MED27: variants seen among roughly 807,000 people sequenced by gnomAD.
MED27 encodes mediator of RNA polymerase II transcription subunit 27.
A neutral mutation model predicts 38.2 loss-of-function variants in MED27; 30 were observed. The ratio of observed to expected loss-of-function variants is 0.79; its 90% CI spans 0.59 to 1.07. The LOEUF (loss-of-function observed/expected upper bound fraction) is 1.07, where lower values mean the gene tolerates loss of function less well. Among genes scored for constraint, MED27 ranks in the 50% least tolerant of loss-of-function variants. The pLI is 0.00. For synonymous variants in MED27, 122 were observed against 153.5 expected (o/e 0.79, Z 1.52); for missense variants, 289 against 397.5 (o/e 0.73, Z 2.32).
At chr9:131,904,795 T>G (rs1448505552) in intron 4 of MED27, among the ~76,000 whole-genome samples, 1 of 152,218 alleles carries the variant, frequency 6.6e-6, no homozygotes, top group East Asian at 1.9e-4. Flanking sequence ...CTCTTCTAAA[T>G]TCAGAATATC....
At chr9:131,948,482 C>CA (rs1330173686) in intron 3 of MED27, among the ~76,000 whole-genome samples, 2 of 128,774 alleles carry the variant, frequency 1.6e-5, no homozygotes, top group African/African-American at 3.0e-5. Flanking sequence ...CACTCCGTCT[C>CA]AAAAAAACAA....
chr9:131,910,778 C>T (rs1830173609), intron 4 of MED27, among the ~76,000 whole-genome samples: 1 of 152,234 alleles, frequency 6.6e-6, no homozygotes, highest in African/African-American at 2.4e-5. Flanking sequence ...CAACTCTTTG[C>T]AGCCAAAGGA....
At chr9:131,952,418 AG>A (rs1392375647) in intron 3 of MED27, among the ~76,000 whole-genome samples, 2 of 152,134 alleles carry the variant, frequency 1.3e-5, no homozygotes, top group Non-Finnish European at 2.9e-5. Flanking sequence ...TCCTGGCGGC[AG>A]GGGGGCAGCA....
intron 2 of MED27, among the ~76,000 whole-genome samples, chr9:132,037,259 T>C (rs1781137329): frequency 6.6e-6 from 1 of 152,144 alleles, no homozygotes; most frequent in Non-Finnish European, 1.5e-5. Context: ...GTAATCCTAA[T>C]CCATGAGCTT....
Position 131,997,539 on chromosome 9 carries a change from G to A in MED27, c.479+16798C>T, listed in dbSNP as rs549102620. ...ACCGAGGCGTTGCCAGCCCTGCACT[G>A]TAGGCTGCCATCTCCCCCAGCAGTC... On this transcript the variant is annotated intron_variant, in intron 3 of 7. Coordinates refer to ENST00000292035, the MANE Select transcript of MED27 (RefSeq NM_004269.4). The surrounding 1 kb of genome is among the most constrained non-coding windows in gnomAD (Gnocchi z 4.0). Among the ~76,000 whole-genome samples the A allele has an allele frequency of 1.1e-3, 167 of 152,326 alleles. No homozygotes were observed. The highest frequency in any genetic ancestry group is 4.0e-3 in the African/African-American group (166 of 41,574).
chr9:132,016,382 T>C (rs1157261201), intron 2 of MED27, among the ~76,000 whole-genome samples: 3 of 152,262 alleles, frequency 2.0e-5, no homozygotes, highest in Non-Finnish European at 4.4e-5. Context: ...AAGACAAACA[T>C]ACATCACATT....
At chr9:132,053,671 G>A (rs1833513239) in intron 2 of MED27, among the ~76,000 whole-genome samples, 1 of 152,212 alleles carries the variant, frequency 6.6e-6, no homozygotes, top group South Asian at 2.1e-4. Context: ...GGCTGCCTGC[G>A]TCCAGACCCA....
At chr9:131,867,225 G>A (rs1838752674) in intron 6 of MED27, among the ~76,000 whole-genome samples, 1 of 152,184 alleles carries the variant, frequency 6.6e-6, no homozygotes, top group Non-Finnish European at 1.5e-5. Flanking sequence ...AGATGAGGTG[G>A]GTGGAGCCAG....
At chr9:131,936,233 C>T (rs1393492965) in intron 4 of MED27, among the ~76,000 whole-genome samples, 1 of 152,142 alleles carries the variant, frequency 6.6e-6, no homozygotes, top group African/African-American at 2.4e-5. Flanking sequence ...ATGACCTGTC[C>T]TCAGAGACAA....
At chr9:131,904,247 C>T (rs978028412) in intron 4 of MED27, among the ~76,000 whole-genome samples, 3 of 151,978 alleles carry the variant, frequency 2.0e-5, no homozygotes, top group Non-Finnish European at 2.9e-5. Context: ...CCATGTTGCC[C>T]AGGCTGGTCT....
chr9:132,041,909 GTTTC>G (rs1833223251), intron 2 of MED27, among the ~76,000 whole-genome samples: 1 of 152,204 alleles, frequency 6.6e-6, no homozygotes, highest in African/African-American at 2.4e-5. Flanking sequence ...TTGATAATGA[GTTTC>G]TTTCCTTCTT....
chr9:132,011,038 A>T (rs1440431894), intron 3 of MED27, among the ~76,000 whole-genome samples: 1 of 152,218 alleles, frequency 6.6e-6, no homozygotes, highest in Non-Finnish European at 1.5e-5. Flanking sequence ...TAATAAAAAA[A>T]TTTTGTAATA....
At chr9:131,868,773 A>G (rs1265900569) in intron 6 of MED27, 1 of 985,486 alleles carries the variant, frequency 1.0e-6, no homozygotes, top group Non-Finnish European at 1.2e-6. Flanking sequence ...TGTGGCCAGC[A>G]GCTGCCCGCC....
At position 131,862,593 on chromosome 9, in the gene MED27, T is replaced by C. The variant is rs563035185; in HGVS notation, c.801+470A>G. On this transcript the variant is annotated intron_variant, in intron 7 of 7. Transcript: ENST00000292035. This position sits in a 1 kb window ranked among gnomAD's most constrained non-coding sequence, Gnocchi z 4.6. ...GTTGAAGAACCAGCTCGCAAGATAC[T>C]GAACAGGCACTGGCAGGAGCCGGCT... Among the ~76,000 whole-genome samples the C allele has an allele frequency of 6.6e-6, 1 of 152,316 alleles. No homozygotes were observed. Among genetic ancestry groups the C allele is most frequent in the South Asian group, 2.1e-4 (1 of 4,824 alleles).
intron 4 of MED27, among the ~76,000 whole-genome samples, chr9:131,937,391 C>T (rs1483367209): frequency 6.6e-6 from 1 of 151,982 alleles, no homozygotes; most frequent in Non-Finnish European, 1.5e-5. Flanking sequence ...TCTGAATTAG[C>T]GGGGGTGGAT....
intron 6 of MED27, among the ~76,000 whole-genome samples, chr9:131,870,963 A>G (rs996567062): frequency 2.0e-5 from 3 of 152,198 alleles, no homozygotes; most frequent in African/African-American, 7.2e-5. Flanking sequence ...GGCAAATACA[A>G]GGCGGCTGCA....
chr9:132,012,105 T>C (rs1241957878), intron 3 of MED27, among the ~76,000 whole-genome samples: 1 of 152,224 alleles, frequency 6.6e-6, no homozygotes, highest in Admixed American at 6.5e-5. Context: ...CTGACTTTTG[T>C]CAAGAGAGAG....
In MED27 at chr9:131,981,584, G is replaced by A. The variant is rs148340214; in HGVS notation, c.479+32753C>T. Among the ~76,000 whole-genome samples, 449 of 152,338 alleles carry A rather than the reference G, an allele frequency of 2.9e-3. 1 individual carries two copies. Among genetic ancestry groups the A allele is most frequent in the African/African-American group, 0.01 (416 of 41,570 alleles). ...GACTGCTAGTCCAAAAGAGGAGGAG[G>A]AGCAGAAAGGGCTCATATAATTTAC... is the stretch of plus-strand genomic sequence containing the variant. On this transcript the variant is annotated intron_variant, in intron 3 of 7. Coordinates refer to ENST00000292035, the MANE Select transcript of MED27 (RefSeq NM_004269.4).
chr9:131,924,056 T>C (rs1830441695), intron 4 of MED27, among the ~76,000 whole-genome samples: 1 of 152,226 alleles, frequency 6.6e-6, no homozygotes, highest in Admixed American at 6.5e-5. Context: ...ATTTCCAATA[T>C]TCTACAATTA....
Sources: allele counts gnomAD v4.1 joint callset (sites outside exome capture counted in the v4.1 genomes callset), GRCh38; gene constraint gnomAD v4.1.1; non-coding constraint Gnocchi (gnomAD v3.1); transcripts MANE v1.5; gene names NCBI Gene and HGNC (gene_info 2026-07-23, HGNC 2026-07-21).